CSMD1: variants seen among roughly 807,000 people sequenced by gnomAD.
CSMD1 encodes CUB and Sushi multiple domains 1.
A neutral mutation model predicts 417.5 loss-of-function variants in CSMD1; 213 were observed. The ratio of observed to expected loss-of-function variants is 0.51; its 90% CI spans 0.46 to 0.57. The LOEUF (loss-of-function observed/expected upper bound fraction) is 0.57, where lower values mean the gene tolerates loss of function less well. Among genes scored for constraint, CSMD1 ranks in the 20% least tolerant of loss-of-function variants. The probability of loss-of-function intolerance (pLI) is 0.00; values close to 1 mark genes in which losing one functional copy is unlikely to be tolerated. For missense variants in CSMD1, 6,923 were observed against 4,529.7 expected, an observed-to-expected ratio of 1.53 and a Z score of -15.17; for synonymous variants, 2,862 against 1,736.8, an observed-to-expected ratio of 1.65 and a Z score of -16.11.
At chr8:3,293,185 C>G (rs554623565) in intron 25 of CSMD1, among the ~76,000 whole-genome samples, 1 of 152,066 alleles carries the variant, frequency 6.6e-6, no homozygotes, top group Non-Finnish European at 1.5e-5. Flanking sequence ...GAGTTTTTGC[C>G]GAGAGATCCG....
At chr8:4,546,556 C>T (rs957292467) in intron 2 of CSMD1, among the ~76,000 whole-genome samples, 1 of 152,184 alleles carries the variant, frequency 6.6e-6, no homozygotes, top group African/African-American at 2.4e-5. Context: ...TACCCTAGTA[C>T]ATCAGCACTT....
chr8:4,803,756 A>T (rs1798437039), intron 1 of CSMD1, among the ~76,000 whole-genome samples: 2 of 152,166 alleles, frequency 1.3e-5, no homozygotes, highest in Admixed American at 6.6e-5. Context: ...ATTTTTTTCA[A>T]AGAACGTTAT....
intron 6 of CSMD1, among the ~76,000 whole-genome samples, chr8:3,714,288 G>C (rs1801699605): frequency 1.3e-5 from 2 of 150,858 alleles, no homozygotes; most frequent in East Asian, 1.9e-4. Context: ...TTAATCAATA[G>C]ATTTCTGTTA....
rs572949664 is a variant in CSMD1 at position 3,015,072 on chromosome 8, TAA to T, written c.8029+3403_8029+3404del. On this transcript the variant is annotated intron_variant, in intron 52 of 69. Transcript: ENST00000635120. ...AATATGTATCCATAAAAATTAAAAT[TAA>T]AAAAGTTTTTAAAAGCTTCTTAATG... is the stretch of plus-strand genomic sequence containing the variant. Among the ~76,000 whole-genome samples the T allele has an allele frequency of 8.7e-5, 13 of 149,008 alleles. No individual in the cohort carries two copies. In the South Asian group the frequency reaches 2.8e-3, roughly 32 times the overall value.
At chr8:3,615,684 T>G (rs551660126) in intron 8 of CSMD1, among the ~76,000 whole-genome samples, 15 of 152,330 alleles carry the variant, frequency 9.8e-5, no homozygotes, top group African/African-American at 2.9e-4. Flanking sequence ...ATTCCTTCTT[T>G]CCTCTCTAAT....
chr8:4,514,740 T>C (rs760002398), intron 2 of CSMD1, among the ~76,000 whole-genome samples: 35 of 152,252 alleles, frequency 2.3e-4, no homozygotes, highest in Non-Finnish European at 2.8e-4. Context: ...TTCCTCCAAA[T>C]ATGATTGTGA....
At chr8:3,189,582 T>A (rs1796292562) in intron 34 of CSMD1, among the ~76,000 whole-genome samples, 1 of 152,204 alleles carries the variant, frequency 6.6e-6, no homozygotes, top group African/African-American at 2.4e-5. Flanking sequence ...TAAAAGGACG[T>A]TACACAAGTA....
At chr8:3,737,938 A>T (rs931143674) in intron 6 of CSMD1, among the ~76,000 whole-genome samples, 2 of 152,218 alleles carry the variant, frequency 1.3e-5, no homozygotes, top group African/African-American at 4.8e-5. Context: ...ATAATTGTCA[A>T]GGGAAATTCT....
intron 1 of CSMD1, among the ~76,000 whole-genome samples, chr8:4,958,557 G>A (rs1317779865): frequency 1.3e-5 from 2 of 152,160 alleles, no homozygotes; most frequent in South Asian, 4.1e-4. Context: ...CTCTTGAAAT[G>A]AATAGAAATT....
chr8:3,937,521 TACATGTTTTTAAAAACATAATACTATTGC>T lies in CSMD1; in HGVS notation c.818+60353_818+60381del, dbSNP rs138259008. ...GAGTCATTGAAGGTTTAGATGATTG[TACATGTTTTTAAAAACATAATACTATTGC>T]ACACTCAACAGAATGCAGTGTCATG... On this transcript the variant is annotated intron_variant, in intron 5 of 69. Coordinates refer to ENST00000635120, the MANE Select transcript of CSMD1 (RefSeq NM_033225.6). Among the ~76,000 whole-genome samples, 1,293 of 152,280 alleles carry T rather than the reference TACATGTTTTTAAAAACATAATACTATTGC, an allele frequency of 8.5e-3. 25 individuals are homozygous for T. Among genetic ancestry groups the T allele is most frequent in the African/African-American group, 0.03 (1,232 of 41,556 alleles).
intron 41 of CSMD1, chr8:3,127,892 G>GAGGA (rs1395599202): frequency 8.5e-6 from 1 of 117,626 alleles, no homozygotes; most frequent in African/African-American, 4.2e-5. Context: ...GGGAGGGAGG[G>GAGGA]AGGAATGAAG....
intron 5 of CSMD1, among the ~76,000 whole-genome samples, chr8:3,978,834 C>G (rs1813637497): frequency 6.6e-6 from 1 of 152,106 alleles, no homozygotes; most frequent in Non-Finnish European, 1.5e-5. Flanking sequence ...GGTCTCGTCT[C>G]CTCTTGATCC....
chr8:4,071,266 G>A (rs187860412), intron 3 of CSMD1, among the ~76,000 whole-genome samples: 27 of 152,102 alleles, frequency 1.8e-4, no homozygotes, highest in Non-Finnish European at 2.9e-5. Flanking sequence ...CTGACGCCCT[G>A]CTTGTTATAT....
At chr8:3,056,399 T>C (rs1357305470) in intron 49 of CSMD1, among the ~76,000 whole-genome samples, 1 of 152,208 alleles carries the variant, frequency 6.6e-6, no homozygotes, top group Non-Finnish European at 1.5e-5. Context: ...AGACAAGGTC[T>C]CGCTGTCACT....
chr8:3,789,536 T>TA (rs1799618488), intron 5 of CSMD1, among the ~76,000 whole-genome samples: 1 of 151,370 alleles, frequency 6.6e-6, no homozygotes, highest in Non-Finnish European at 1.5e-5. Flanking sequence ...GCTAGTACTT[T>TA]AATACTCCAA....
At chr8:4,525,520 C>T (rs763035129) in intron 2 of CSMD1, among the ~76,000 whole-genome samples, 4 of 152,166 alleles carry the variant, frequency 2.6e-5, no homozygotes, top group Non-Finnish European at 4.4e-5. Context: ...TCTAGTAAAA[C>T]AGTATTTACT....
intron 11 of CSMD1, among the ~76,000 whole-genome samples, chr8:3,477,937 G>A (rs73499631): frequency 0.046 from 7,025 of 152,152 alleles, 271 homozygotes; most frequent in East Asian, 0.19. Context: ...AAATCAAGCT[G>A]ACTGAAAAAT....
intron 49 of CSMD1, among the ~76,000 whole-genome samples, chr8:3,080,578 G>A (rs2129002912): frequency 6.6e-6 from 1 of 152,228 alleles, no homozygotes; most frequent in Non-Finnish European, 1.5e-5. Flanking sequence ...GCCATCAAGG[G>A]GTCTTGGGAA....
At chr8:4,740,052 G>A (rs1019201340) in intron 1 of CSMD1, among the ~76,000 whole-genome samples, 3 of 152,016 alleles carry the variant, frequency 2.0e-5, no homozygotes, top group African/African-American at 7.2e-5. Context: ...ACAGCTCTGG[G>A]AATGATCTCT....
Sources: allele counts gnomAD v4.1 joint callset (sites outside exome capture counted in the v4.1 genomes callset), GRCh38; gene constraint gnomAD v4.1.1; transcripts MANE v1.5; gene names NCBI Gene and HGNC (gene_info 2026-07-23, HGNC 2026-07-21).